The following PLCB1 variants were observed in gnomAD, a reference collection of about 807,000 sequenced individuals.
PLCB1 encodes phospholipase C beta 1.
Under a neutral mutation model 161.8 loss-of-function variants are expected in PLCB1, and 46 were observed. The observed-to-expected ratio is 0.28, with a 90% CI of 0.22 to 0.36. The LOEUF is 0.36. PLCB1 is among the 10% of genes least tolerant of loss of function. PLCB1 has a pLI of 1.00. For synonymous variants in PLCB1, 517 were observed against 503.7 expected, an observed-to-expected ratio of 1.03 and a Z score of -0.35; for missense variants, 1,016 against 1,472.5, an observed-to-expected ratio of 0.69 and a Z score of 5.07.
intron 2 of PLCB1, among the ~76,000 whole-genome samples, chr20:8,230,071 A>AAG (rs1979936586): frequency 6.8e-6 from 1 of 147,796 alleles, no homozygotes; most frequent in African/African-American, 2.5e-5. Flanking sequence ...AAAAAAAAAA[A>AAG]AAAAAAAAAA....
intron 2 of PLCB1, among the ~76,000 whole-genome samples, chr20:8,333,656 C>T (rs1214421799): frequency 2.0e-5 from 3 of 152,200 alleles, no homozygotes; most frequent in African/African-American, 7.2e-5. Flanking sequence ...ACCTAAAAAG[C>T]ATCTGGCCCA....
intron 3 of PLCB1, among the ~76,000 whole-genome samples, chr20:8,410,917 C>G (rs1217355084): frequency 6.6e-6 from 1 of 152,120 alleles, no homozygotes; most frequent in Non-Finnish European, 1.5e-5. Context: ...TAGAGCAATG[C>G]CAAGGAATGC....
At chr20:8,169,941 G>C (rs2051716960) in intron 2 of PLCB1, among the ~76,000 whole-genome samples, 1 of 152,196 alleles carries the variant, frequency 6.6e-6, no homozygotes, top group Non-Finnish European at 1.5e-5. Flanking sequence ...TTTGAAAACA[G>C]GTGCCATGTT....
At chr20:8,839,144 A>C (rs577918518) in intron 31 of PLCB1, among the ~76,000 whole-genome samples, 123 of 152,334 alleles carry the variant, frequency 8.1e-4, no homozygotes, top group African/African-American at 2.7e-3. Context: ...AGACATTTGC[A>C]TGTCAGAGGG....
intron 3 of PLCB1, among the ~76,000 whole-genome samples, chr20:8,501,278 C>T (rs1490645801): frequency 6.6e-6 from 1 of 152,204 alleles, no homozygotes; most frequent in Admixed American, 6.5e-5. Context: ...CTTAATAACT[C>T]CCTCCATCCT....
intron 3 of PLCB1, among the ~76,000 whole-genome samples, chr20:8,555,427 A>G (rs142927388): frequency 6.6e-6 from 1 of 152,216 alleles, no homozygotes; most frequent in East Asian, 1.9e-4. Context: ...AGAAAACACA[A>G]ACTCATAGAC....
rs73600205 is a variant in PLCB1, at chr20:8,785,309, T to A, written c.3112-3140T>A. On this transcript the variant is annotated intron_variant, in intron 27 of 31. Transcript: ENST00000338037. ...TTTTGTTGAACATGTAGATTCTGAC[T>A]TAGTTGATCTGGAGTAGGGCCCGAG... is the stretch of plus-strand genomic sequence containing the variant. Among the ~76,000 whole-genome samples the A allele has an allele frequency of 3.6e-4, 55 of 152,222 alleles. 1 individual carries two copies. In the East Asian group the frequency reaches 0.01, roughly 29 times the overall value.
chr20:8,425,425 T>C (rs1001766371), intron 3 of PLCB1, among the ~76,000 whole-genome samples: 1 of 152,176 alleles, frequency 6.6e-6, no homozygotes, highest in Non-Finnish European at 1.5e-5. Context: ...AATCATGTTA[T>C]CTATGGCAGT....
intron 10 of PLCB1, among the ~76,000 whole-genome samples, chr20:8,697,080 G>A (rs1052983609): frequency 2.6e-5 from 4 of 152,102 alleles, no homozygotes; most frequent in Admixed American, 6.6e-5. Flanking sequence ...AGAATGTTTA[G>A]CTTTTCTCAG....
intron 31 of PLCB1, among the ~76,000 whole-genome samples, chr20:8,793,542 T>A (rs1308212563): frequency 1.2e-5 from 1 of 85,794 alleles, no homozygotes; most frequent in Non-Finnish European, 2.5e-5. Flanking sequence ...GGATCCGTGA[T>A]GCCCCCACAA....
At chr20:8,241,447 C>T (rs1262277634) in intron 2 of PLCB1, among the ~76,000 whole-genome samples, 2 of 151,794 alleles carry the variant, frequency 1.3e-5, no homozygotes, top group East Asian at 2.0e-4. Context: ...GGGCTGACAT[C>T]GAGTGAATTT....
intron 2 of PLCB1, among the ~76,000 whole-genome samples, chr20:8,272,588 G>A (rs879692804): frequency 1.3e-5 from 2 of 152,018 alleles, no homozygotes; most frequent in Admixed American, 1.3e-4. Context: ...AGTATATTTA[G>A]CCAATTGACC....
At chr20:8,378,824 C>T (rs961766771) in intron 3 of PLCB1, among the ~76,000 whole-genome samples, 3 of 152,210 alleles carry the variant, frequency 2.0e-5, no homozygotes, top group Admixed American at 6.5e-5. Context: ...ATATAATATT[C>T]TAAATCTTTT....
chr20:8,810,366 G>T (rs759474193), intron 31 of PLCB1, among the ~76,000 whole-genome samples: 5 of 152,118 alleles, frequency 3.3e-5, no homozygotes, highest in Non-Finnish European at 5.9e-5. Flanking sequence ...TGTGTTTTCT[G>T]ATTAGAGCTC....
intron 3 of PLCB1, among the ~76,000 whole-genome samples, chr20:8,582,037 T>C (rs1353728009): frequency 6.6e-6 from 1 of 152,178 alleles, no homozygotes; most frequent in Non-Finnish European, 1.5e-5. Context: ...CTATGGAAAT[T>C]AGCAAGTTCT....
At chr20:8,388,445 T>A (rs1009870603) in intron 3 of PLCB1, among the ~76,000 whole-genome samples, 2 of 152,218 alleles carry the variant, frequency 1.3e-5, no homozygotes. Flanking sequence ...CCTGACTTTG[T>A]ACAGATTTCA....
At chr20:8,325,084 G>T (rs144925026) in intron 2 of PLCB1, among the ~76,000 whole-genome samples, 10 of 152,092 alleles carry the variant, frequency 6.6e-5, no homozygotes, top group South Asian at 2.1e-4. Flanking sequence ...CCTACTATTC[G>T]CAGGAGTAGG....
intron 3 of PLCB1, among the ~76,000 whole-genome samples, chr20:8,521,873 T>C (rs965057088): frequency 6.6e-5 from 10 of 152,218 alleles, no homozygotes; most frequent in Admixed American, 2.6e-4. Flanking sequence ...GTGAATTGCA[T>C]TTCAACCACA....
intron 31 of PLCB1, among the ~76,000 whole-genome samples, chr20:8,859,847 AG>A (rs1482668884): frequency 6.6e-6 from 1 of 152,136 alleles, no homozygotes; most frequent in African/African-American, 2.4e-5. Context: ...GAAAAAAAAA[AG>A]ACATAATATA....
Sources: gnomAD v4.1 joint callset for allele counts (sites outside exome capture counted in the v4.1 genomes callset) on GRCh38, gnomAD v4.1.1 for gene constraint, MANE v1.5 for transcripts, NCBI Gene and HGNC (gene_info 2026-07-23, HGNC 2026-07-21) for gene names.